Variants in SELENOT observed in about 807,000 individuals in gnomAD.
The protein encoded by SELENOT is selenoprotein T, also known as thioredoxin reductase-like selenoprotein T.
A neutral mutation model predicts 24.3 loss-of-function variants in SELENOT; 9 were observed. That is an observed-to-expected ratio of 0.37 (90% confidence interval 0.22 to 0.65). The LOEUF (loss-of-function observed/expected upper bound fraction) is 0.65, where lower values mean the gene tolerates loss of function less well. Ranked by LOEUF, SELENOT falls within the 30% of genes least tolerant of loss-of-function variation. The pLI, the probability that SELENOT is intolerant of heterozygous loss-of-function variation, is 0.60. For synonymous variants in SELENOT, 81 were observed against 86.0 expected (o/e 0.94, Z 0.32); for missense variants, 166 against 247.6 (o/e 0.67, Z 2.21).
At chr3:150,619,054 A>G (rs1726278682) in intron 1 of SELENOT, 1 of 151,328 alleles carries the variant, frequency 6.6e-6, no homozygotes, top group Non-Finnish European at 1.5e-5. Context: ...AAGTGATAGC[A>G]CTTAAACTTA....
chr3:150,607,825 T>TA (rs1726000291), intron 1 of SELENOT, among the ~76,000 whole-genome samples: 1 of 152,154 alleles, frequency 6.6e-6, no homozygotes, highest in Non-Finnish European at 1.5e-5. Context: ...AAGGTGCCGT[T>TA]AAGAGCTTGA....
chr3:150,625,385 A>G (rs896940619), intron 4 of SELENOT, among the ~76,000 whole-genome samples: 1 of 152,116 alleles, frequency 6.6e-6, no homozygotes, highest in African/African-American at 2.4e-5. Context: ...TAGTGATACC[A>G]TCATTTGTCT....
intron 1 of SELENOT, among the ~76,000 whole-genome samples, chr3:150,610,236 A>G (rs190634361): frequency 6.6e-6 from 1 of 152,358 alleles, no homozygotes; most frequent in East Asian, 1.9e-4. Context: ...ACCACAAGCA[A>G]GACAGTCTTT....
intron 1 of SELENOT, among the ~76,000 whole-genome samples, chr3:150,616,741 A>G (rs894338935): frequency 3.3e-5 from 5 of 152,332 alleles, no homozygotes; most frequent in African/African-American, 7.2e-5. Context: ...AATATTAATC[A>G]AGTGCTATTT....
intron 1 of SELENOT, among the ~76,000 whole-genome samples, chr3:150,607,294 A>G (rs1407953378): frequency 2.0e-5 from 3 of 152,260 alleles, no homozygotes; most frequent in African/African-American, 7.2e-5. Context: ...ACAACTATTC[A>G]GCCTTGGCTT....
chr3:150,609,617 G>C (rs1325996495), intron 1 of SELENOT, among the ~76,000 whole-genome samples: 1 of 152,180 alleles, frequency 6.6e-6, no homozygotes, highest in East Asian at 1.9e-4. Flanking sequence ...AAAGTGTCGA[G>C]ATTACAGGCA....
At chr3:150,626,181 A>G (rs1238967029) in intron 4 of SELENOT, among the ~76,000 whole-genome samples, 2 of 152,242 alleles carry the variant, frequency 1.3e-5, no homozygotes, top group East Asian at 3.9e-4. Flanking sequence ...AGCCTAAACA[A>G]TAACTTTTTT....
intron 1 of SELENOT, among the ~76,000 whole-genome samples, chr3:150,619,297 C>T (rs1007790698): frequency 6.6e-6 from 1 of 151,350 alleles, no homozygotes; most frequent in Non-Finnish European, 1.5e-5. Flanking sequence ...TTTGGGAAGC[C>T]GAGGCGGGTG....
chr3:150,627,113 A>C lies in SELENOT; in HGVS notation c.567A>C (p.Ser189=), dbSNP rs1288259654. 4 of 1,613,470 alleles carry C rather than the reference A, an allele frequency of 2.5e-6. No homozygotes were observed. Among genetic ancestry groups the C allele is most frequent in the East Asian group, 2.2e-5 (1 of 44,866 alleles). The change falls in exon 5 of 6, where the codon TCA becomes TCC. Residue 189 remains serine (S), a synonymous_variant. Transcript: ENST00000471696. ...NEMKLNVHMD[S]IPHHRS ...TGAAGCTCAATGTGCATATGGATTC[A>C]ATCCCACACCATCGATCATAGCACC...
chr3:150,628,068 G>A lies in SELENOT; in HGVS notation c.*439G>A, dbSNP rs945282973. The A allele has an allele frequency of 2.6e-5, 4 of 152,024 alleles. No individual in the cohort carries two copies. The highest frequency in any genetic ancestry group is 9.7e-5 in the African/African-American group (4 of 41,386). 9.4% of individuals were successfully genotyped at this position (152,024 alleles called of 1,614,324 possible). On this transcript the variant is annotated 3_prime_UTR_variant, in exon 6 of 6. Coordinates refer to ENST00000471696, the MANE Select transcript of SELENOT (RefSeq NM_016275.5). ...TTATAGTTTAAAATTGATCCTTTGG[G>A]AATCCAGTTGAAGTTCCCAAATACT...
At chr3:150,622,730 A>G (rs936136694) in intron 2 of SELENOT, among the ~76,000 whole-genome samples, 4 of 151,876 alleles carry the variant, frequency 2.6e-5, no homozygotes, top group Non-Finnish European at 5.9e-5. Context: ...GTGTTTTCAT[A>G]TGTATTTTTA....
At chr3:150,616,335 C>A (rs1700393227) in intron 1 of SELENOT, among the ~76,000 whole-genome samples, 3 of 140,172 alleles carry the variant, frequency 2.1e-5, no homozygotes, top group African/African-American at 8.0e-5. Context: ...GCAACAAAAG[C>A]CAAAATTGAC....
intron 1 of SELENOT, chr3:150,618,876 A>C (rs1460301277): frequency 1.3e-5 from 2 of 152,122 alleles, no homozygotes; most frequent in Admixed American, 1.3e-4. Context: ...TGGACAAGAG[A>C]TTTTGCTGTA....
intron 4 of SELENOT, among the ~76,000 whole-genome samples, chr3:150,625,973 C>G (rs947823569): frequency 6.6e-6 from 1 of 151,884 alleles, no homozygotes; most frequent in African/African-American, 2.4e-5. Flanking sequence ...AGGTTCACGC[C>G]ATTCTCCTGC....
intron 1 of SELENOT, 66 bp from the exon 2 acceptor site, chr3:150,622,319 A>T: frequency 1.4e-6 from 1 of 713,722 alleles, no homozygotes; most frequent in Non-Finnish European, 2.1e-6. Context: ...TTTAGGCTTT[A>T]ACTAACTACA....
intron 1 of SELENOT, among the ~76,000 whole-genome samples, chr3:150,612,498 T>G (rs929148821): frequency 6.6e-6 from 1 of 152,220 alleles, no homozygotes; most frequent in South Asian, 2.1e-4. Flanking sequence ...TCACATAATT[T>G]CGTTCATATT....
rs1020289635 is a variant in SELENOT, at chr3:150,628,923, T to C, written c.*1294T>C. 16 of 152,304 alleles carry C rather than the reference T, an allele frequency of 1.1e-4. No individual in the cohort carries two copies. The highest frequency in any genetic ancestry group is 3.6e-4 in the African/African-American group (15 of 41,566). The allele number at this position is 152,304 out of a possible 1,614,324, so 9.4% of individuals were successfully genotyped here. ...TTCCAAAAATGCTTGGGACAAGAAGTATTTCAGATTTCATAATTTTTTTCA... is the reference window on the plus strand; with the variant it reads ...TTCCAAAAATGCTTGGGACAAGAAGCATTTCAGATTTCATAATTTTTTTCA... On this transcript the variant is annotated 3_prime_UTR_variant, in exon 6 of 6. Transcript: ENST00000471696.
chr3:150,604,662 G>A (rs1725917842), intron 1 of SELENOT, among the ~76,000 whole-genome samples: 1 of 152,214 alleles, frequency 6.6e-6, no homozygotes. Context: ...ATCGGCTTAA[G>A]GTGATGTTTG....
intron 1 of SELENOT, among the ~76,000 whole-genome samples, chr3:150,617,183 A>G (rs1726236283): frequency 6.6e-6 from 1 of 152,172 alleles, no homozygotes; most frequent in Non-Finnish European, 1.5e-5. Flanking sequence ...TTCAGAGTGC[A>G]TTTGTTTCTC....
Sources: allele counts gnomAD v4.1 joint callset (sites outside exome capture counted in the v4.1 genomes callset), GRCh38; gene constraint gnomAD v4.1.1; transcripts MANE v1.5; gene names NCBI Gene and HGNC (gene_info 2026-07-23, HGNC 2026-07-21).